Variants in SGSM2 observed in about 807,000 individuals in gnomAD.
The protein encoded by SGSM2 is small G protein signaling modulator 2.
SGSM2 carries 89 observed loss-of-function variants against 126.6 expected under a neutral mutation model. The ratio of observed to expected loss-of-function variants is 0.70; its 90% confidence interval spans 0.59 to 0.84. The LOEUF (loss-of-function observed/expected upper bound fraction) is 0.84. Among genes scored for constraint, SGSM2 ranks in the 40% least tolerant of loss-of-function variants. The pLI, the probability that SGSM2 is intolerant of heterozygous loss-of-function variation, is 0.00. For missense variants in SGSM2, 1,404 were observed against 1,416.6 expected (o/e 0.99, Z 0.14); for synonymous variants, 614 against 574.3 (o/e 1.07, Z -0.99).
chr17:2,370,037 C>A (rs2065791447), intron 12 of SGSM2, among the ~76,000 whole-genome samples: 1 of 152,202 alleles, frequency 6.6e-6, no homozygotes, highest in Non-Finnish European at 1.5e-5. Flanking sequence ...CCGGAAGGGG[C>A]TCAGCTCAGC....
chr17:2,368,451 C>A (rs888834792), intron 12 of SGSM2, among the ~76,000 whole-genome samples: 2 of 152,186 alleles, frequency 1.3e-5, no homozygotes, highest in Non-Finnish European at 2.9e-5. Flanking sequence ...TCCCTTTCCC[C>A]GCCCCTGCAG....
Position 2,372,386 on chromosome 17 carries a change from G to A in SGSM2, c.1686G>A (p.Leu562=). 1 of 1,591,626 alleles carries A rather than the reference G, an allele frequency of 6.3e-7. No individual in the cohort carries two copies. Among genetic ancestry groups the A allele is most frequent in the Non-Finnish European group, 8.5e-7 (1 of 1,171,034 alleles). The change falls in exon 15 of 24, where the codon CTG becomes CTA. Residue 562 remains leucine, a synonymous_variant. Coordinates refer to ENST00000268989, the MANE Select transcript of SGSM2 (RefSeq NM_014853.3). The surrounding 1 kb of genome is among the most constrained non-coding windows in gnomAD (Gnocchi z 6.0). ...CRHLSTVRTH[L]SALVHHSVIP... is the part of the protein sequence containing the mutation. ...ACCTGTCCACGGTGCGGACCCACCT[G>A]TCGGCGCTGGTGCACCATAGCGTTA...
rs1330671610 is a variant in SGSM2 at position 2,362,982 on chromosome 17, T to C, written c.527-7T>C. ...ATCGTCTGGGCTGGCTGTCTCTGTC[T>C]CCACAGTGGGACCCTGTGCCTTGGA... On this transcript the variant is annotated splice_polypyrimidine_tract_variant and splice_region_variant and intron_variant, in intron 5 of 23. Coordinates refer to ENST00000268989, the MANE Select transcript of SGSM2 (RefSeq NM_014853.3). The surrounding 1 kb of genome is among the most constrained non-coding windows in gnomAD (Gnocchi z 4.9). 1 of 1,613,928 alleles carries C rather than the reference T, an allele frequency of 6.2e-7. No homozygotes were observed. The highest frequency in any genetic ancestry group is 1.3e-5 in the African/African-American group (1 of 74,932).
At chr17:2,373,173 C>T in intron 16 of SGSM2, 92 bp downstream of exon 16, 3 of 1,568,222 alleles carry the variant, frequency 1.9e-6, no homozygotes, top group Non-Finnish European at 2.6e-6. Context: ...AGCCCCTTCC[C>T]AGCCGGAAAG....
intron 2 of SGSM2, 117 bp downstream of exon 2, chr17:2,343,737 A>T: frequency 4.8e-6 from 4 of 840,294 alleles, no homozygotes; most frequent in Non-Finnish European, 7.8e-6. Flanking sequence ...TGCAAGTCCA[A>T]ATCAACCTGG....
intron 2 of SGSM2, among the ~76,000 whole-genome samples, chr17:2,346,542 T>C (rs2064604839): frequency 6.6e-6 from 1 of 152,222 alleles, no homozygotes; most frequent in African/African-American, 2.4e-5. Context: ...CTCCTAGGAC[T>C]GGCTAGAAAA....
At chr17:2,360,117 C>T (rs896571559) in intron 2 of SGSM2, among the ~76,000 whole-genome samples, 2 of 152,210 alleles carry the variant, frequency 1.3e-5, no homozygotes, top group South Asian at 4.2e-4. Context: ...CCGAGGCGGG[C>T]GGATCACTTG....
In SGSM2 at chr17:2,357,066, C is replaced by T. The variant is rs549817448; in HGVS notation, c.134-4571C>T. ...TCCATCAGCATCTGTGGTCTCCAGC[C>T]GTGTGTAGCATTTGTTAGGCTGCAG... On this transcript the variant is annotated intron_variant, in intron 2 of 23. Coordinates refer to ENST00000268989, the MANE Select transcript of SGSM2 (RefSeq NM_014853.3). Among the ~76,000 whole-genome samples, 8 of 152,150 alleles carry T rather than the reference C, an allele frequency of 5.3e-5. No individual in the cohort carries two copies. In the East Asian group the frequency reaches 5.8e-4, roughly 11 times the overall value.
At chr17:2,357,070 T>C (rs962170713) in intron 2 of SGSM2, among the ~76,000 whole-genome samples, 1 of 152,080 alleles carries the variant, frequency 6.6e-6, no homozygotes, top group Admixed American at 6.6e-5. Context: ...TCCAGCCGTG[T>C]GTAGCATTTG....
chr17:2,378,793 C>A (rs1223715874), intron 22 of SGSM2, among the ~76,000 whole-genome samples: 5 of 152,186 alleles, frequency 3.3e-5, no homozygotes, highest in Non-Finnish European at 7.3e-5. Flanking sequence ...GTACAGAACC[C>A]CCATTCCTGA....
Position 2,375,494 on chromosome 17 carries a change from G to GT in SGSM2, c.2106dup (p.Ile703TyrfsTer5). On this transcript the variant is annotated frameshift_variant, in exon 18 of 24. Coordinates refer to ENST00000268989, the MANE Select transcript of SGSM2 (RefSeq NM_014853.3). LOFTEE classifies it high-confidence loss of function. ...GCCGCCCTGTGTTCACCCCCCAGGT[G>GT]TTTATCTCAGTGGATGATCTGGAAC... 1 of 1,606,956 alleles carries GT rather than the reference G, an allele frequency of 6.2e-7. No homozygotes were observed. The highest frequency in any genetic ancestry group is 8.5e-7 in the Non-Finnish European group (1 of 1,175,878).
rs2066364092 is a variant in SGSM2 at position 2,380,378 on chromosome 17, C to T, written c.*858C>T. On this transcript the variant is annotated 3_prime_UTR_variant, in exon 24 of 24. Transcript: ENST00000268989. Reference sequence around the variant, plus strand: ...CAGGGTGACTCTGTCGGGGAAGAATCCGGTCACAGCCTCCCCTCAGAGACA... The same window carrying T: ...CAGGGTGACTCTGTCGGGGAAGAATTCGGTCACAGCCTCCCCTCAGAGACA... The T allele has an allele frequency of 1.3e-5, 17 of 1,340,506 alleles. No individual in the cohort carries two copies. The highest frequency in any genetic ancestry group is 2.0e-5 in the Admixed American group (1 of 50,618). 83.0% of individuals were successfully genotyped at this position (1,340,506 alleles called of 1,614,324 possible).
chr17:2,360,720 T>C (rs1368446815), intron 2 of SGSM2, among the ~76,000 whole-genome samples: 1 of 152,242 alleles, frequency 6.6e-6, no homozygotes, highest in African/African-American at 2.4e-5. Flanking sequence ...CAGCTCACTG[T>C]TTCCAGTCCG....
rs770945165 is a variant in SGSM2 at position 2,376,265 on chromosome 17, C to A, written c.2609+4C>A. The A allele has an allele frequency of 3.7e-6, 6 of 1,613,498 alleles. No individual in the cohort carries two copies. In the South Asian group the frequency reaches 5.5e-5, roughly 15 times the overall value. On this transcript the variant is annotated splice_donor_region_variant and intron_variant, in intron 19 of 23. Coordinates refer to ENST00000268989, the MANE Select transcript of SGSM2 (RefSeq NM_014853.3). ...GGCTCAGAGACGTCATGTGCAGGTG[C>A]CTTGTGGGGCGGGGCTCAGGGTGGG...
chr17:2,350,882 C>T (rs936003253), intron 2 of SGSM2, among the ~76,000 whole-genome samples: 1 of 152,304 alleles, frequency 6.6e-6, no homozygotes, highest in East Asian at 1.9e-4. Context: ...TTGAGGTAGA[C>T]CCTGATTTTC....
rs1225408152 is a variant in SGSM2 at position 2,367,263 on chromosome 17, T to C, written c.1289-8T>C. On this transcript the variant is annotated splice_region_variant and splice_polypyrimidine_tract_variant and intron_variant, in intron 11 of 23. Coordinates refer to ENST00000268989, the MANE Select transcript of SGSM2 (RefSeq NM_014853.3). The surrounding 1 kb of genome is among the most constrained non-coding windows in gnomAD (Gnocchi z 4.0). ...ATGCCTCTGCCTCTCGCTGTTCTCT[T>C]TGAGCAGTCACTATTAACTACCACC... 1.2e-6 allele frequency: 2 copies of C among 1,611,522 alleles called. No individual in the cohort carries two copies. Among genetic ancestry groups the C allele is most frequent in the Non-Finnish European group, 1.7e-6 (2 of 1,178,826 alleles).
Position 2,363,613 on chromosome 17 carries a change from A to G in SGSM2, c.807+14A>G, listed in dbSNP as rs759639609. Reference sequence around the variant, plus strand: ...CTGGTGCAGCCGGTAGGAAAGCTTCATCCTGCCATCCCTCCCCGAAGGTCC... The same window carrying G: ...CTGGTGCAGCCGGTAGGAAAGCTTCGTCCTGCCATCCCTCCCCGAAGGTCC... On this transcript the variant is annotated intron_variant, in intron 7 of 23. Coordinates refer to ENST00000268989, the MANE Select transcript of SGSM2 (RefSeq NM_014853.3). This position sits in a 1 kb window ranked among gnomAD's most constrained non-coding sequence, Gnocchi z 4.2. 1.6e-5 allele frequency: 26 copies of G among 1,611,526 alleles called. No individual in the cohort carries two copies. Among genetic ancestry groups the G allele is most frequent in the Non-Finnish European group, 2.1e-5 (25 of 1,178,590 alleles).
intron 2 of SGSM2, among the ~76,000 whole-genome samples, chr17:2,361,369 C>T (rs1204244438): frequency 6.6e-6 from 1 of 152,194 alleles, no homozygotes; most frequent in Non-Finnish European, 1.5e-5. Flanking sequence ...GAGCTTTGGT[C>T]CTCATGACCC....
In SGSM2 at chr17:2,341,706, C is replaced by T. The variant is rs544654013; in HGVS notation, c.58-1839C>T. On this transcript the variant is annotated intron_variant, in intron 1 of 23. Transcript: ENST00000268989. The stretch of plus-strand genomic sequence containing the variant: ...CTAGGACTGCCTGCTAGCAGGTTCT[C>T]CCAGGACATCAACAGAGTTTGGGTT... Among the ~76,000 whole-genome samples, 5 of 152,316 alleles carry T rather than the reference C, an allele frequency of 3.3e-5. No individual in the cohort carries two copies. The East Asian group carries it at 9.6e-4, about 29-fold the overall frequency.
Sources: gnomAD v4.1 joint callset for allele counts (sites outside exome capture counted in the v4.1 genomes callset) on GRCh38, gnomAD v4.1.1 for gene constraint, Gnocchi (gnomAD v3.1) non-coding constraint, MANE v1.5 for transcripts, NCBI Gene and HGNC (gene_info 2026-07-23, HGNC 2026-07-21) for gene names.